The following EYA4 variants were observed in gnomAD, a reference collection of about 807,000 sequenced individuals.
EYA4 encodes EYA transcriptional coactivator and phosphatase 4.
Under a neutral mutation model 87.9 loss-of-function variants are expected in EYA4, and 31 were observed. The observed-to-expected ratio is 0.35, with a 90% CI of 0.27 to 0.48. The LOEUF is 0.48. Ranked by LOEUF, EYA4 falls within the 20% of genes least tolerant of loss-of-function variation. The pLI is 0.99. For synonymous variants in EYA4, 263 were observed against 270.6 expected (o/e 0.97, Z 0.28); for missense variants, 678 against 761.4 (o/e 0.89, Z 1.29).
intron 3 of EYA4, among the ~76,000 whole-genome samples, chr6:133,444,384 C>T (rs1043256288): frequency 6.6e-6 from 1 of 152,068 alleles, no homozygotes; most frequent in Non-Finnish European, 1.5e-5. Context: ...ATATCATTTT[C>T]CATTCTTTGA....
intron 13 of EYA4, among the ~76,000 whole-genome samples, chr6:133,493,723 C>G (rs1383282243): frequency 6.6e-6 from 1 of 152,052 alleles, no homozygotes; most frequent in Non-Finnish European, 1.5e-5. Context: ...GCGGAACATA[C>G]AAGGAGCTCA....
At chr6:133,350,930 C>G (rs192521613) in intron 2 of EYA4, among the ~76,000 whole-genome samples, 2 of 151,752 alleles carry the variant, frequency 1.3e-5, no homozygotes, top group East Asian at 3.9e-4. Flanking sequence ...ATATCAATTT[C>G]TTCAGATTAT....
In EYA4 at chr6:133,394,284, G is replaced by GTTTTTTTT. The variant is rs869103311; in HGVS notation, c.83+11870_83+11877dup. 4.4e-3 allele frequency among the ~76,000 whole-genome samples: 79 copies of GTTTTTTTT among 17,864 alleles called. 8 individuals are homozygous for GTTTTTTTT. The highest frequency in any genetic ancestry group is 7.3e-3 in the African/African-American group (49 of 6,738). 11.7% of individuals were successfully genotyped at this position (17,864 alleles called of 152,430 possible). On this transcript the variant is annotated intron_variant, in intron 3 of 19. Coordinates refer to ENST00000355286, the MANE Select transcript of EYA4 (RefSeq NM_004100.5). ...TGGAAAAATGTATATATAAGCTTGT[G>GTTTTTTTT]TTTTTTTTTTTTTTTTTTTTTTTTT...
At chr6:133,505,813 C>T (rs1329705522) in intron 13 of EYA4, among the ~76,000 whole-genome samples, 2 of 152,170 alleles carry the variant, frequency 1.3e-5, no homozygotes, top group Admixed American at 1.3e-4. Context: ...TAAACTGGGT[C>T]ATATGAACTA....
chr6:133,456,189 A>T (rs530920530), intron 5 of EYA4, among the ~76,000 whole-genome samples: 2 of 152,274 alleles, frequency 1.3e-5, no homozygotes, highest in African/African-American at 4.8e-5. Context: ...AATATAAGCT[A>T]GTAAATTTCT....
chr6:133,320,015 C>A (rs1397768865), intron 2 of EYA4, among the ~76,000 whole-genome samples: 1 of 152,004 alleles, frequency 6.6e-6, no homozygotes, highest in Non-Finnish European at 1.5e-5. Flanking sequence ...GCCCAGCCTA[C>A]TTCATAATTT....
rs775989680 is a variant in EYA4 at position 133,481,612 on chromosome 6, A to C, written c.1107+13A>C. On this transcript the variant is annotated intron_variant, in intron 12 of 19. Coordinates refer to ENST00000355286, the MANE Select transcript of EYA4 (RefSeq NM_004100.5). ...TAGTGACCTGGAGGTATGCCTACTCATTCTTAAAGATTGTAGTGTGATGCT... is the reference window on the plus strand; with the variant it reads ...TAGTGACCTGGAGGTATGCCTACTCCTTCTTAAAGATTGTAGTGTGATGCT... 1.1e-4 allele frequency: 185 copies of C among 1,613,160 alleles called. No individual in the cohort carries two copies. Among genetic ancestry groups the C allele is most frequent in the Non-Finnish European group, 1.5e-4 (178 of 1,179,284 alleles).
intron 3 of EYA4, among the ~76,000 whole-genome samples, chr6:133,395,578 G>A (rs545022371): frequency 1.3e-5 from 2 of 152,214 alleles, no homozygotes; most frequent in South Asian, 2.1e-4. Flanking sequence ...TGGCCAACAT[G>A]GTGAAACCCC....
intron 11 of EYA4, among the ~76,000 whole-genome samples, chr6:133,478,403 C>T (rs1339229616): frequency 2.6e-5 from 4 of 151,740 alleles, no homozygotes; most frequent in South Asian, 2.1e-4. Flanking sequence ...GTGAATAACC[C>T]AAATGTCCAT....
At chr6:133,441,457 A>T (rs528377578) in intron 3 of EYA4, among the ~76,000 whole-genome samples, 3 of 152,348 alleles carry the variant, frequency 2.0e-5, no homozygotes, top group Non-Finnish European at 2.9e-5. Flanking sequence ...GCAAGGCAAC[A>T]TACTTCTATA....
intron 11 of EYA4, among the ~76,000 whole-genome samples, chr6:133,479,537 T>C (rs1429708905): frequency 1.3e-5 from 2 of 152,186 alleles, no homozygotes; most frequent in African/African-American, 4.8e-5. Context: ...TTTGTTTATT[T>C]AGATTAATAA....
intron 2 of EYA4, among the ~76,000 whole-genome samples, chr6:133,276,428 T>G (rs894790016): frequency 6.6e-6 from 1 of 152,166 alleles, no homozygotes; most frequent in Admixed American, 6.5e-5. Context: ...TCAATGCAGT[T>G]GAGAATATAT....
intron 14 of EYA4, among the ~76,000 whole-genome samples, chr6:133,508,363 A>G (rs1191694968): frequency 6.6e-6 from 1 of 152,114 alleles, no homozygotes; most frequent in African/African-American, 2.4e-5. Context: ...ATATCTGGTA[A>G]TAACAAACAC....
At chr6:133,393,308 T>C (rs1177646389) in intron 3 of EYA4, among the ~76,000 whole-genome samples, 3 of 152,136 alleles carry the variant, frequency 2.0e-5, no homozygotes, top group African/African-American at 7.2e-5. Context: ...GTACTATTTA[T>C]TGAGCATCTA....
chr6:133,463,696 T>G (rs1794611910), intron 9 of EYA4, among the ~76,000 whole-genome samples: 1 of 152,126 alleles, frequency 6.6e-6, no homozygotes, highest in African/African-American at 2.4e-5. Context: ...CCAAAAGAAT[T>G]TTAGTGACAT....
At chr6:133,283,681 T>C (rs1483173866) in intron 2 of EYA4, among the ~76,000 whole-genome samples, 2 of 152,210 alleles carry the variant, frequency 1.3e-5, no homozygotes, top group African/African-American at 4.8e-5. Flanking sequence ...TACTGTTTTT[T>C]TAAATATGTA....
At chr6:133,518,776 C>T (rs894198429) in intron 17 of EYA4, among the ~76,000 whole-genome samples, 2 of 152,066 alleles carry the variant, frequency 1.3e-5, no homozygotes, top group Non-Finnish European at 2.9e-5. Flanking sequence ...TGTAAAAGAA[C>T]AGAAATTATA....
At chr6:133,264,587 T>C (rs1163154127) in intron 1 of EYA4, among the ~76,000 whole-genome samples, 3 of 152,166 alleles carry the variant, frequency 2.0e-5, no homozygotes, top group Admixed American at 1.3e-4. Context: ...GACTTGGTAA[T>C]ATATTGAATG....
chr6:133,528,474 A>G (rs1800810187), intron 19 of EYA4, among the ~76,000 whole-genome samples: 1 of 152,186 alleles, frequency 6.6e-6, no homozygotes, highest in African/African-American at 2.4e-5. Flanking sequence ...TATCTAAGAA[A>G]TGTTAATATT....
Sources: allele counts gnomAD v4.1 joint callset (sites outside exome capture counted in the v4.1 genomes callset), GRCh38; gene constraint gnomAD v4.1.1; transcripts MANE v1.5; gene names NCBI Gene and HGNC (gene_info 2026-07-23, HGNC 2026-07-21).